Variants in PARD3 observed in about 807,000 individuals in gnomAD.
PARD3 encodes the protein par-3 family cell polarity regulator, also known as partitioning defective 3 homolog.
Under a neutral mutation model 155.4 loss-of-function variants are expected in PARD3, and 75 were observed. The ratio of observed to expected loss-of-function variants is 0.48; its 90% confidence interval spans 0.40 to 0.58. The LOEUF (loss-of-function observed/expected upper bound fraction) is 0.58, where lower values mean the gene tolerates loss of function less well. Among genes scored for constraint, PARD3 ranks in the 20% least tolerant of loss-of-function variants. The probability of loss-of-function intolerance (pLI) is 0.00; values close to 1 mark genes in which losing one functional copy is unlikely to be tolerated. For synonymous variants in PARD3, 576 were observed against 610.5 expected (o/e 0.94, Z 0.83); for missense variants, 1,642 against 1,721.7 (o/e 0.95, Z 0.82).
intron 1 of PARD3, among the ~76,000 whole-genome samples, chr10:34,756,149 C>A (rs999643837): frequency 1.0e-5 from 1 of 96,122 alleles, no homozygotes. Context: ...AAAAAATGCA[C>A]CTTTTTTTTT....
At chr10:34,381,414 G>A (rs1841808497) in intron 9 of PARD3, among the ~76,000 whole-genome samples, 1 of 152,112 alleles carries the variant, frequency 6.6e-6, no homozygotes, top group Non-Finnish European at 1.5e-5. Flanking sequence ...AGCTAAAATG[G>A]ATCAGGAACA....
At chr10:34,547,880 T>G (rs1401748305) in intron 2 of PARD3, among the ~76,000 whole-genome samples, 1 of 152,232 alleles carries the variant, frequency 6.6e-6, no homozygotes, top group Non-Finnish European at 1.5e-5. Context: ...GCCTACATTA[T>G]GAAGTGTTAA....
At chr10:34,644,165 T>C (rs2092764386) in intron 2 of PARD3, among the ~76,000 whole-genome samples, 2 of 152,200 alleles carry the variant, frequency 1.3e-5, no homozygotes, top group Admixed American at 1.3e-4. Flanking sequence ...TATTTATCCC[T>C]GCCTGCCCTT....
intron 5 of PARD3, among the ~76,000 whole-genome samples, chr10:34,426,089 A>T (rs10827366): frequency 0.59 from 88,938 of 152,014 alleles, 26,903 homozygotes; most frequent in Middle Eastern, 0.67. Context: ...AATGGCAAAT[A>T]TAGTATTATA....
At chr10:34,288,765 T>C (rs1564551118) in intron 20 of PARD3, among the ~76,000 whole-genome samples, 1 of 152,210 alleles carries the variant, frequency 6.6e-6, no homozygotes, top group Non-Finnish European at 1.5e-5. Context: ...GAAGAAATAC[T>C]GTGTTAATAG....
At chr10:34,145,203 ATATATATATATATATATATTTTTT>A (rs1463889059) in intron 22 of PARD3, among the ~76,000 whole-genome samples, 1 of 59,868 alleles carries the variant, frequency 1.7e-5, no homozygotes, top group Non-Finnish European at 3.1e-5. Context: ...ATATATATAT[ATATATATATATATATATATTTTTT>A]TTTTTTTTTT....
At chr10:34,794,257 G>A (rs1842001654) in intron 1 of PARD3, among the ~76,000 whole-genome samples, 1 of 152,164 alleles carries the variant, frequency 6.6e-6, no homozygotes, top group Non-Finnish European at 1.5e-5. Context: ...TTCTGCCTCT[G>A]CTGAGGATGT....
chr10:34,122,581 T>C (rs1947066413), intron 23 of PARD3, among the ~76,000 whole-genome samples: 1 of 152,228 alleles, frequency 6.6e-6, no homozygotes, highest in Non-Finnish European at 1.5e-5. Context: ...ATTAATAGTT[T>C]ACTCCATTTC....
intron 3 of PARD3, among the ~76,000 whole-genome samples, chr10:34,477,695 A>G: frequency 6.6e-6 from 1 of 152,192 alleles, no homozygotes; most frequent in East Asian, 1.9e-4. Context: ...TTCATTCTTC[A>G]AGTCGTTTTT....
intron 19 of PARD3, among the ~76,000 whole-genome samples, chr10:34,329,413 G>T (rs559618870): frequency 6.6e-6 from 1 of 152,232 alleles, no homozygotes; most frequent in South Asian, 2.1e-4. Flanking sequence ...CCAAGACAGA[G>T]AGAAGCAAGC....
At chr10:34,544,305 C>T (rs2083873938) in intron 2 of PARD3, among the ~76,000 whole-genome samples, 1 of 152,076 alleles carries the variant, frequency 6.6e-6, no homozygotes, top group African/African-American at 2.4e-5. Flanking sequence ...TACTTAGATG[C>T]TATCAAAATC....
chr10:34,779,068 T>C (rs1839930794), intron 1 of PARD3, among the ~76,000 whole-genome samples: 1 of 152,218 alleles, frequency 6.6e-6, no homozygotes, highest in Non-Finnish European at 1.5e-5. Flanking sequence ...CCCAGCACTT[T>C]GGGAGGCCGA....
chr10:34,294,955 C>T (rs1244518846), intron 20 of PARD3, among the ~76,000 whole-genome samples: 1 of 152,118 alleles, frequency 6.6e-6, no homozygotes, highest in South Asian at 2.1e-4. Flanking sequence ...GCAATACTAG[C>T]ACTTTGGGAG....
In PARD3 at chr10:34,550,516, C is replaced by T. The variant is rs565505221; in HGVS notation, c.223-33357G>A. On this transcript the variant is annotated intron_variant, in intron 2 of 24. Transcript: ENST00000374788. ...GCATGAGCCATCTCGCCTGGCCTAC[C>T]GGCCACCTTTAATGTATTGGAACCT... Among the ~76,000 whole-genome samples, 29 of 152,060 alleles carry T rather than the reference C, an allele frequency of 1.9e-4. No individual in the cohort carries two copies. In the South Asian group the frequency reaches 5.2e-3, roughly 27 times the overall value.
intron 22 of PARD3, among the ~76,000 whole-genome samples, chr10:34,203,518 C>T (rs1235814612): frequency 6.6e-6 from 1 of 152,184 alleles, no homozygotes; most frequent in Non-Finnish European, 1.5e-5. Flanking sequence ...GTAATATTTG[C>T]ATATAACCTA....
At chr10:34,777,720 G>A (rs993450201) in intron 1 of PARD3, among the ~76,000 whole-genome samples, 4 of 151,132 alleles carry the variant, frequency 2.6e-5, no homozygotes, top group African/African-American at 9.8e-5. Context: ...TTTAAGAGAT[G>A]GGGGTTTTGC....
intron 2 of PARD3, among the ~76,000 whole-genome samples, chr10:34,553,816 A>T (rs1282156373): frequency 6.6e-6 from 1 of 152,238 alleles, no homozygotes; most frequent in East Asian, 1.9e-4. Flanking sequence ...CACTTAACCC[A>T]ACCTTACAAC....
chr10:34,772,611 G>C (rs992603375), intron 1 of PARD3, among the ~76,000 whole-genome samples: 1 of 151,808 alleles, frequency 6.6e-6, no homozygotes, highest in Non-Finnish European at 1.5e-5. Context: ...GGCCAACATA[G>C]AGAAACCCTG....
intron 2 of PARD3, among the ~76,000 whole-genome samples, chr10:34,546,253 C>T (rs1159899306): frequency 6.6e-6 from 1 of 151,978 alleles, no homozygotes; most frequent in African/African-American, 2.4e-5. Flanking sequence ...CACAGTGGCT[C>T]ACACCTGTAA....
Sources: gnomAD v4.1 joint callset for allele counts (sites outside exome capture counted in the v4.1 genomes callset) on GRCh38, gnomAD v4.1.1 for gene constraint, MANE v1.5 for transcripts, NCBI Gene and HGNC (gene_info 2026-07-23, HGNC 2026-07-21) for gene names.